ZMYM6: variants seen among roughly 807,000 people sequenced by gnomAD.
ZMYM6 encodes the protein zinc finger MYM-type protein 6.
Under a neutral mutation model 134.0 loss-of-function variants are expected in ZMYM6, and 90 were observed. The ratio of observed to expected loss-of-function variants is 0.67; its 90% CI spans 0.57 to 0.80. The LOEUF is 0.80. Among genes scored for constraint, ZMYM6 ranks in the 30% least tolerant of loss-of-function variants. The pLI, the probability that ZMYM6 is intolerant of heterozygous loss-of-function variation, is 0.00. For synonymous variants in ZMYM6, 481 were observed against 524.1 expected (o/e 0.92, Z 1.12); for missense variants, 1,362 against 1,533.9 (o/e 0.89, Z 1.87).
chr1:35,013,409 G>A (rs771679874), intron 6 of ZMYM6: 167 of 983,304 alleles, frequency 1.7e-4, no homozygotes, highest in Non-Finnish European at 1.9e-4. Context: ...TAAATTGTGA[G>A]GTTTCACTAC....
chr1:35,006,087 A>T (rs1190204533), intron 12 of ZMYM6, among the ~76,000 whole-genome samples: 1 of 152,140 alleles, frequency 6.6e-6, no homozygotes, highest in Non-Finnish European at 1.5e-5. Flanking sequence ...GGCTCACTGT[A>T]ACCTCCATCT....
At chr1:34,993,559 C>T (rs1171579467) in intron 14 of ZMYM6, among the ~76,000 whole-genome samples, 1 of 152,182 alleles carries the variant, frequency 6.6e-6, no homozygotes, top group Non-Finnish European at 1.5e-5. Flanking sequence ...AACCCTAATG[C>T]CACTTGCTAC....
Position 35,022,326 on chromosome 1 carries a change from A to G in ZMYM6, c.94-1859T>C, listed in dbSNP as rs1426999740. Among the ~76,000 whole-genome samples, 4 of 152,086 alleles carry G rather than the reference A, an allele frequency of 2.6e-5. No individual in the cohort carries two copies. In the East Asian group the frequency reaches 7.8e-4, roughly 30 times the overall value. On this transcript the variant is annotated intron_variant, in intron 2 of 15. Coordinates refer to ENST00000357182, the MANE Select transcript of ZMYM6 (RefSeq NM_007167.4). The stretch of plus-strand genomic sequence containing the variant: ...CGCTCTGTAGCCCAGGCTGGAGTGC[A>G]ATGGTGCCATCTCGGCTCACTGCAA...
chr1:35,029,167 C>T (rs1370210678), intron 2 of ZMYM6, among the ~76,000 whole-genome samples: 1 of 152,162 alleles, frequency 6.6e-6, no homozygotes, highest in East Asian at 1.9e-4. Flanking sequence ...TGCAGCAAAA[C>T]TCCATCTCAA....
chr1:34,991,985 A>G (rs77362459), intron 15 of ZMYM6: 3 of 486,808 alleles, frequency 6.2e-6, no homozygotes, highest in Non-Finnish European at 1.1e-5. Flanking sequence ...AAAAAAAAAA[A>G]CAGGTTAAAT....
intron 2 of ZMYM6, among the ~76,000 whole-genome samples, chr1:35,026,695 C>G (rs964481453): frequency 2.6e-5 from 4 of 152,168 alleles, no homozygotes; most frequent in African/African-American, 9.7e-5. Context: ...AATATTGCAT[C>G]TGGAGTAACA....
chr1:35,006,856 A>G lies in ZMYM6; in HGVS notation c.1813+95T>C, dbSNP rs193216010. ...AGGAAATTCAGGCTATTTGAATCCAATGAAATTTTGTTTTTATTATATTAT... is the reference window on the plus strand; with the variant it reads ...AGGAAATTCAGGCTATTTGAATCCAGTGAAATTTTGTTTTTATTATATTAT... On this transcript the variant is annotated intron_variant, in intron 12 of 15. Transcript: ENST00000357182. The G allele has an allele frequency of 4.3e-3, 5,031 of 1,165,552 alleles. 18 individuals are homozygous for G. Among genetic ancestry groups the G allele is most frequent in the Non-Finnish European group, 5.1e-3 (4,656 of 909,078 alleles). 72.2% of individuals were successfully genotyped at this position (1,165,552 alleles called of 1,614,324 possible).
rs149199304 is a variant in ZMYM6 at position 35,002,103 on chromosome 1, G to A, written c.1992+1865C>T. Among the ~76,000 whole-genome samples, 293 of 152,228 alleles carry A rather than the reference G, an allele frequency of 1.9e-3. 4 individuals carry two copies. The highest frequency in any genetic ancestry group is 3.4e-3 in the Middle Eastern group (1 of 294). ...TTACTGTTAGTTGTGCCCAAGGCCC[G>A]GATTGACTGCTAGGACCCTCTTCCA... On this transcript the variant is annotated intron_variant, in intron 14 of 15. Transcript: ENST00000357182.
In ZMYM6 at chr1:35,014,947, C is replaced by A. The variant is rs749423243; in HGVS notation, c.603+41G>T. 4.4e-6 allele frequency: 7 copies of A among 1,608,630 alleles called. No homozygotes were observed. In the Middle Eastern group the frequency reaches 5.0e-4, roughly 114 times the overall value. Reference sequence around the variant, plus strand: ...TAAGCAGAGCCAGTTAAAAAAAAATCTCTTTCAGCAGAATCCCAATAAAAG... The same window carrying A: ...TAAGCAGAGCCAGTTAAAAAAAAATATCTTTCAGCAGAATCCCAATAAAAG... On this transcript the variant is annotated intron_variant, in intron 5 of 15. Coordinates refer to ENST00000357182, the MANE Select transcript of ZMYM6 (RefSeq NM_007167.4).
intron 10 of ZMYM6, 24 bp downstream of exon 10, chr1:35,010,423 T>C: frequency 6.3e-7 from 1 of 1,596,894 alleles, no homozygotes; most frequent in Non-Finnish European, 8.5e-7. Context: ...CCATGCTCTG[T>C]GAATAAAACA....
chr1:35,005,269 T>C lies in ZMYM6; in HGVS notation c.1817A>G (p.Asn606Ser), dbSNP rs775604223. Residue 606 changes from asparagine (N) to serine (S), a missense_variant, in exon 13 of 16, where the codon AAT (asparagine) becomes AGT (serine). By Grantham distance (46) the Asn-to-Ser change is conservative. Transcript: ENST00000357182. ...MNDCLPQNKVNISKAKTAVTE... is the reference protein window; with the variant it reads ...MNDCLPQNKVSISKAKTAVTE... The stretch of plus-strand genomic sequence containing the variant: ...CACAGCAGTTTTTGCTTTAGAAATA[T>C]TTACTGATTAAAATAAAAAGTTAAG... 10 of 1,613,868 alleles carry C rather than the reference T, an allele frequency of 6.2e-6. No individual in the cohort carries two copies. Among genetic ancestry groups the C allele is most frequent in the Non-Finnish European group, 8.5e-6 (10 of 1,179,918 alleles).
At chr1:35,005,044 G>T in intron 13 of ZMYM6, 88 bp downstream of exon 13, 1 of 1,487,864 alleles carries the variant, frequency 6.7e-7, no homozygotes, top group Non-Finnish European at 9.0e-7. Flanking sequence ...GGCAACAAGA[G>T]TGAAACTGTC....
Position 35,019,503 on chromosome 1 carries a change from G to A in ZMYM6, c.278C>T (p.Ser93Phe). ...VPAVAIKVFC[S>F]GCKKMLYKGQ... ...CTTATAAAGCATTTTTTTACAACCA[G>A]AACAAAAAACCTTAATAGCAACAGC... Residue 93 changes from serine to phenylalanine, a missense_variant, in exon 4 of 16, where the codon TCT (serine) becomes TTT (phenylalanine). Around this residue, in one of 3 missense-constraint regions of ZMYM6, gnomAD observed 503 missense variants for 520.8 expected, o/e 0.97. Coordinates refer to ENST00000357182, the MANE Select transcript of ZMYM6 (RefSeq NM_007167.4). 6 of 1,613,804 alleles carry A rather than the reference G, an allele frequency of 3.7e-6. No homozygotes were observed. Among genetic ancestry groups the A allele is most frequent in the Non-Finnish European group, 5.1e-6 (6 of 1,179,960 alleles).
chr1:35,030,616 T>C lies in ZMYM6; in HGVS notation c.24A>G (p.Glu8=). The change falls in exon 2 of 16, where the codon GAA becomes GAG. Residue 8 remains glutamate (E), a synonymous_variant. Transcript: ENST00000357182. ...GCTGTGGTACCACTGCTTTGCCACA[T>C]TCACCATCCAAAGGTTCTTTCATTC... MKEPLDG[E]CGKAVVPQQE... 6.2e-7 allele frequency: 1 copy of C among 1,613,736 alleles called. No homozygotes were observed. Among genetic ancestry groups the C allele is most frequent in the Non-Finnish European group, 8.5e-7 (1 of 1,179,998 alleles).
chr1:35,015,257 G>A, intron 4 of ZMYM6, 95 bp from the exon 5 acceptor site: 1 of 1,179,316 alleles, frequency 8.5e-7, no homozygotes, highest in South Asian at 1.7e-5. Context: ...CTAAGGGCAG[G>A]TACTGTATGG....
intron 2 of ZMYM6, among the ~76,000 whole-genome samples, chr1:35,029,412 G>T (rs1641476184): frequency 6.6e-6 from 1 of 151,970 alleles, no homozygotes; most frequent in South Asian, 2.1e-4. Context: ...TTTGAGCTTT[G>T]GTTTCCTCAT....
intron 7 of ZMYM6, 55 bp downstream of exon 7, chr1:35,012,376 T>TA: frequency 7.4e-7 from 1 of 1,351,394 alleles, no homozygotes; most frequent in Non-Finnish European, 9.7e-7. Flanking sequence ...GAAAAGCAGT[T>TA]ACGTTTTTCT....
Position 34,987,118 on chromosome 1 carries a change from T to G in ZMYM6, c.3964A>C (p.Lys1322Gln). ...TGTGCATATTGCTACTCTTTCTCCT[T>G]CACTAATTTTTCTATCCTTGGAATT... ...SLIPRIEKLV[K>Q]EKE Residue 1322 changes from lysine to glutamine, a missense_variant, in exon 16 of 16, where the codon AAG becomes CAG. By Grantham distance (53) the Lys-to-Gln change is moderately conservative (BLOSUM62 1). Around this residue, in one of 3 missense-constraint regions of ZMYM6, gnomAD observed 824 missense variants for 940.9 expected, o/e 0.88. Transcript: ENST00000357182. The G allele has an allele frequency of 6.4e-7, 1 of 1,562,260 alleles. No homozygotes were observed. The highest frequency in any genetic ancestry group is 8.6e-7 in the Non-Finnish European group (1 of 1,156,704).
At chr1:35,029,541 G>GAT (rs1641479331) in intron 2 of ZMYM6, among the ~76,000 whole-genome samples, 1 of 152,082 alleles carries the variant, frequency 6.6e-6, no homozygotes, top group Non-Finnish European at 1.5e-5. Flanking sequence ...ACTACATACT[G>GAT]ATATACTAAT....
Sources: gnomAD v4.1 joint callset for allele counts (sites outside exome capture counted in the v4.1 genomes callset) on GRCh38, gnomAD v4.1.1 for gene constraint, gnomAD v4.1.1 regional missense constraint, MANE v1.5 for transcripts, NCBI Gene and HGNC (gene_info 2026-07-23, HGNC 2026-07-21) for gene names.